PAG1: variants seen among roughly 807,000 people sequenced by gnomAD.
PAG1 encodes phosphoprotein membrane anchor with glycosphingolipid microdomains 1.
A neutral mutation model predicts 31.7 loss-of-function variants in PAG1; 23 were observed. The observed-to-expected ratio is 0.73, with a 90% CI of 0.52 to 1.03. The LOEUF (loss-of-function observed/expected upper bound fraction) is 1.03, where lower values mean the gene tolerates loss of function less well. PAG1 is among the 50% of genes least tolerant of loss of function. PAG1 has a pLI of 0.00. For synonymous variants in PAG1, 214 were observed against 210.3 expected (o/e 1.02, Z -0.15); for missense variants, 473 against 540.7 (o/e 0.87, Z 1.24).
At chr8:81,024,481 TACA>T (rs1400125530) in intron 3 of PAG1, among the ~76,000 whole-genome samples, 4 of 152,200 alleles carry the variant, frequency 2.6e-5, no homozygotes, top group Non-Finnish European at 5.9e-5. Context: ...TGGGCTGGGC[TACA>T]ACATGTAATG....
chr8:81,083,006 G>A (rs1482660350), intron 1 of PAG1, among the ~76,000 whole-genome samples: 1 of 151,088 alleles, frequency 6.6e-6, no homozygotes, highest in Non-Finnish European at 1.5e-5. Flanking sequence ...TGGGTATTAT[G>A]TTATGAGACT....
At chr8:81,092,047 T>A (rs558400437) in intron 1 of PAG1, among the ~76,000 whole-genome samples, 1 of 149,576 alleles carries the variant, frequency 6.7e-6, no homozygotes, top group East Asian at 2.0e-4. Context: ...AGTTTAGGCA[T>A]CTGTCTGAAT....
chr8:80,991,516 C>A lies in PAG1; in HGVS notation c.140G>T (p.Arg47Leu). Residue 47 changes from arginine to leucine, a missense_variant, in exon 5 of 9, where the codon CGA becomes CTA. Coordinates refer to ENST00000220597, the MANE Select transcript of PAG1 (RefSeq NM_018440.4). ...GTTCTCATGGTCCCCACTATGCTGT[C>A]GCGGCTTCTTTTCCCTGAAATGAAA... ...CSSCDREKKPRQHSGDHENLM... is the reference protein window; with the variant it reads ...CSSCDREKKPLQHSGDHENLM... 6.2e-7 allele frequency: 1 copy of A among 1,613,650 alleles called. No homozygotes were observed. Among genetic ancestry groups the A allele is most frequent in the East Asian group, 2.2e-5 (1 of 44,884 alleles).
chr8:80,995,479 A>G (rs1329301120), intron 3 of PAG1, among the ~76,000 whole-genome samples: 1 of 152,280 alleles, frequency 6.6e-6, no homozygotes, highest in East Asian at 1.9e-4. Flanking sequence ...AACTGAGACT[A>G]CAAATTGGCA....
chr8:81,049,250 T>C (rs772600005), intron 2 of PAG1, among the ~76,000 whole-genome samples: 10 of 152,216 alleles, frequency 6.6e-5, no homozygotes, highest in Non-Finnish European at 1.2e-4. Context: ...TTTAATGTGA[T>C]ATATGCCCTA....
intron 3 of PAG1, among the ~76,000 whole-genome samples, chr8:81,024,509 G>A (rs1563633362): frequency 6.6e-6 from 1 of 152,164 alleles, no homozygotes; most frequent in Non-Finnish European, 1.5e-5. Context: ...CGTAAATGAG[G>A]ATGATGTATA....
chr8:81,060,202 T>C (rs1227898594), intron 2 of PAG1, among the ~76,000 whole-genome samples: 3 of 152,216 alleles, frequency 2.0e-5, no homozygotes, highest in East Asian at 1.9e-4. Context: ...TAACTTAGCA[T>C]TGTAAAACAA....
At chr8:81,026,867 G>GA in intron 3 of PAG1, among the ~76,000 whole-genome samples, 1 of 152,184 alleles carries the variant, frequency 6.6e-6, no homozygotes, top group Admixed American at 6.5e-5. Flanking sequence ...ACTCAGCTGT[G>GA]AAAAACAATA....
rs117940312 is a variant in PAG1 at position 80,984,416 on chromosome 8, A to G, written c.876+360T>C. Among the ~76,000 whole-genome samples, 101 of 152,270 alleles carry G rather than the reference A, an allele frequency of 6.6e-4. No homozygotes were observed. The East Asian group carries it at 0.018, about 27-fold the overall frequency. On this transcript the variant is annotated intron_variant, in intron 7 of 8. Coordinates refer to ENST00000220597, the MANE Select transcript of PAG1 (RefSeq NM_018440.4). ...GGATCCTGGAAGGGGAAAGGTCACC[A>G]TGCTGCTGAGGCAGCCAACAAGCAG...
intron 2 of PAG1, among the ~76,000 whole-genome samples, chr8:81,068,891 C>A (rs1022717027): frequency 1.3e-5 from 2 of 152,178 alleles, no homozygotes; most frequent in Non-Finnish European, 2.9e-5. Flanking sequence ...ATCTTCATTA[C>A]CCCCAACCGG....
chr8:81,037,744 A>C (rs1808484469), intron 2 of PAG1, among the ~76,000 whole-genome samples: 1 of 152,280 alleles, frequency 6.6e-6, no homozygotes, highest in Non-Finnish European at 1.5e-5. Context: ...AGCATGAGAT[A>C]ATAGCCAGCA....
chr8:81,046,140 A>G (rs1214348343), intron 2 of PAG1, among the ~76,000 whole-genome samples: 2 of 152,264 alleles, frequency 1.3e-5, no homozygotes, highest in Non-Finnish European at 2.9e-5. Context: ...ACAGCCAAGA[A>G]GAGAATCCTA....
intron 2 of PAG1, among the ~76,000 whole-genome samples, chr8:81,035,806 A>G (rs141979978): frequency 2.0e-4 from 30 of 152,202 alleles, no homozygotes; most frequent in Non-Finnish European, 3.8e-4. Context: ...GTCCACCCAC[A>G]TTATTTAGAA....
intron 2 of PAG1, among the ~76,000 whole-genome samples, chr8:81,038,761 T>G (rs916763257): frequency 6.6e-6 from 1 of 152,182 alleles, no homozygotes; most frequent in African/African-American, 2.4e-5. Flanking sequence ...CTGCCATTGA[T>G]AATGTGCCCG....
chr8:80,991,022 A>G (rs1807534712), intron 5 of PAG1, among the ~76,000 whole-genome samples: 1 of 152,192 alleles, frequency 6.6e-6, no homozygotes, highest in Non-Finnish European at 1.5e-5. Context: ...AGAGGTCACC[A>G]TAGGAAGATG....
intron 2 of PAG1, chr8:81,036,847 C>G (rs1808469522): frequency 6.6e-6 from 1 of 152,162 alleles, no homozygotes; most frequent in African/African-American, 2.4e-5. Flanking sequence ...CAGTTCTAGT[C>G]TTCATGCCAT....
chr8:81,090,062 T>G (rs916980353), intron 1 of PAG1, among the ~76,000 whole-genome samples: 2 of 152,210 alleles, frequency 1.3e-5, no homozygotes, highest in African/African-American at 4.8e-5. Context: ...TTTCTGCTGC[T>G]AATGTAAATG....
At chr8:81,014,072 T>C (rs1217341556) in intron 3 of PAG1, among the ~76,000 whole-genome samples, 1 of 152,170 alleles carries the variant, frequency 6.6e-6, no homozygotes, top group Non-Finnish European at 1.5e-5. Context: ...AGGGTAAAAT[T>C]CTCAGATTTT....
rs117283749 is a variant in PAG1 at position 81,033,444 on chromosome 8, C to T, written c.-174-3355G>A. ...GGTATAGAGATAATAAGGTTAATCA[C>T]TGCAAATGATTATTGACCCAATCAA... On this transcript the variant is annotated intron_variant, in intron 2 of 8. Coordinates refer to ENST00000220597, the MANE Select transcript of PAG1 (RefSeq NM_018440.4). Among the ~76,000 whole-genome samples the T allele has an allele frequency of 4.1e-3, 627 of 152,324 alleles. 2 individuals are homozygous for T. The highest frequency in any genetic ancestry group is 7.0e-3 in the Non-Finnish European group (476 of 68,018).
Sources: allele counts gnomAD v4.1 joint callset (sites outside exome capture counted in the v4.1 genomes callset), GRCh38; gene constraint gnomAD v4.1.1; transcripts MANE v1.5; gene names NCBI Gene and HGNC (gene_info 2026-07-23, HGNC 2026-07-21).